The following DLG2 variants were observed in gnomAD, a reference collection of about 807,000 sequenced individuals.
DLG2 encodes the protein discs large MAGUK scaffold protein 2, also known as disks large homolog 2.
A neutral mutation model predicts 132.5 loss-of-function variants in DLG2; 45 were observed. The ratio of observed to expected loss-of-function variants is 0.34; its 90% CI spans 0.27 to 0.44. DLG2 has a LOEUF of 0.44. DLG2 is among the 20% of genes least tolerant of loss of function. DLG2 has a pLI of 1.00. For synonymous variants in DLG2, 424 were observed against 419.6 expected, an observed-to-expected ratio of 1.01 and a Z score of -0.13; for missense variants, 1,045 against 1,196.9, an observed-to-expected ratio of 0.87 and a Z score of 1.87.
chr11:85,141,674 T>C (rs1015168761), intron 5 of DLG2, among the ~76,000 whole-genome samples: 2 of 151,926 alleles, frequency 1.3e-5, no homozygotes, highest in African/African-American at 4.8e-5. Flanking sequence ...CTTTCAGTAG[T>C]TTCATAGTTT....
At chr11:84,539,047 T>C (rs1224712223) in intron 6 of DLG2, among the ~76,000 whole-genome samples, 5 of 152,150 alleles carry the variant, frequency 3.3e-5, no homozygotes, top group African/African-American at 7.2e-5. Context: ...ACATTAATGC[T>C]AATCCTAACA....
intron 7 of DLG2, among the ~76,000 whole-genome samples, chr11:84,267,400 G>C (rs945840440): frequency 2.0e-5 from 3 of 152,150 alleles, no homozygotes; most frequent in African/African-American, 7.2e-5. Context: ...ACCTTACTTT[G>C]AAGACCACTG....
At chr11:83,881,805 T>G (rs1359228418) in intron 15 of DLG2, among the ~76,000 whole-genome samples, 1 of 152,230 alleles carries the variant, frequency 6.6e-6, no homozygotes. Flanking sequence ...CTGTTTATTC[T>G]TATTGCATTT....
At chr11:83,927,666 C>A (rs2079231541) in intron 15 of DLG2, among the ~76,000 whole-genome samples, 1 of 152,030 alleles carries the variant, frequency 6.6e-6, no homozygotes, top group African/African-American at 2.4e-5. Flanking sequence ...CGCATTGCAT[C>A]CTAATGCAAA....
intron 8 of DLG2, among the ~76,000 whole-genome samples, chr11:84,249,853 G>C (rs2154349598): frequency 6.6e-6 from 1 of 152,276 alleles, no homozygotes; most frequent in South Asian, 2.1e-4. Flanking sequence ...CCCTAGTTCA[G>C]TAGTTCAGGT....
chr11:84,077,453 C>T (rs567412490), intron 10 of DLG2, among the ~76,000 whole-genome samples: 1 of 152,258 alleles, frequency 6.6e-6, no homozygotes, highest in Admixed American at 6.5e-5. Flanking sequence ...GCCTCTCCTG[C>T]TTTTCTTCTG....
At chr11:84,604,516 A>G (rs1232741428) in intron 6 of DLG2, among the ~76,000 whole-genome samples, 1 of 152,000 alleles carries the variant, frequency 6.6e-6, no homozygotes, top group Admixed American at 6.6e-5. Context: ...CATTCATTTC[A>G]TCTTCCTGAT....
intron 10 of DLG2, among the ~76,000 whole-genome samples, chr11:84,088,518 TG>T: frequency 6.6e-6 from 1 of 152,194 alleles, no homozygotes. Context: ...AGACTACTTG[TG>T]GGTGCCTGAT....
intron 7 of DLG2, among the ~76,000 whole-genome samples, chr11:84,360,106 C>A (rs1405706591): frequency 6.6e-6 from 1 of 151,712 alleles, no homozygotes; most frequent in Admixed American, 6.6e-5. Context: ...GAACAGGTAT[C>A]TTTTCAATGA....
At chr11:84,584,654 C>T (rs2099524776) in intron 6 of DLG2, among the ~76,000 whole-genome samples, 1 of 139,300 alleles carries the variant, frequency 7.2e-6, no homozygotes, top group Non-Finnish European at 1.5e-5. Flanking sequence ...GCCTGAGCTG[C>T]TGTACCTGGC....
intron 6 of DLG2, among the ~76,000 whole-genome samples, chr11:85,010,594 C>T (rs950317199): frequency 2.0e-5 from 3 of 152,056 alleles, no homozygotes; most frequent in African/African-American, 7.2e-5. Context: ...GTTTCTCTTC[C>T]ACCTGCATTG....
intron 7 of DLG2, among the ~76,000 whole-genome samples, chr11:84,323,309 T>C (rs1180485875): frequency 6.6e-6 from 1 of 152,200 alleles, no homozygotes; most frequent in Non-Finnish European, 1.5e-5. Context: ...TGTCCTTCTA[T>C]AGACTATTCC....
intron 7 of DLG2, among the ~76,000 whole-genome samples, chr11:84,374,470 G>T (rs2098721155): frequency 6.6e-6 from 1 of 152,136 alleles, no homozygotes; most frequent in South Asian, 2.1e-4. Flanking sequence ...AATATAATGA[G>T]ATTTTTTAAT....
chr11:84,700,205 ATATT>A (rs1398248043), intron 6 of DLG2, among the ~76,000 whole-genome samples: 1 of 151,614 alleles, frequency 6.6e-6, no homozygotes, highest in Non-Finnish European at 1.5e-5. Flanking sequence ...TAAAACAATA[ATATT>A]TATTTTATAA....
At chr11:85,161,556 C>A (rs891223276) in intron 4 of DLG2, among the ~76,000 whole-genome samples, 2 of 152,202 alleles carry the variant, frequency 1.3e-5, no homozygotes, top group East Asian at 3.9e-4. Flanking sequence ...GTTTGCCTAT[C>A]CTGCACGTAA....
At chr11:84,983,611 C>T (rs1471462866) in intron 6 of DLG2, among the ~76,000 whole-genome samples, 1 of 152,134 alleles carries the variant, frequency 6.6e-6, no homozygotes, top group Admixed American at 6.5e-5. Flanking sequence ...CAAAAAATCA[C>T]ACAAGCTAAC....
rs879827728 is a variant in DLG2 at position 83,745,801 on chromosome 11, T to TA, written c.1825+40888dup. Among the ~76,000 whole-genome samples, 690 of 143,932 alleles carry TA rather than the reference T, an allele frequency of 4.8e-3. 4 individuals carry two copies. The highest frequency in any genetic ancestry group is 0.017 in the Middle Eastern group (5 of 286). 94.4% of individuals were successfully genotyped at this position (143,932 alleles called of 152,430 possible). A position where few individuals can be genotyped will look rare whatever the true frequency, so the allele number is the denominator to read the frequency against. On this transcript the variant is annotated intron_variant, in intron 18 of 27. Transcript: ENST00000376104. Reference sequence around the variant, plus strand: ...TGGGTGTCAGAGTGAGACGCTGCCTTAAAAAAAAAAAAATTTTTGCAATCT... The same window carrying TA: ...TGGGTGTCAGAGTGAGACGCTGCCTTAAAAAAAAAAAAAATTTTTGCAATCT...
At chr11:84,436,929 A>G (rs2099002624) in intron 7 of DLG2, among the ~76,000 whole-genome samples, 1 of 152,206 alleles carries the variant, frequency 6.6e-6, no homozygotes, top group Non-Finnish European at 1.5e-5. Flanking sequence ...AGTCCCAGAT[A>G]TATGTTCCTA....
intron 3 of DLG2, chr11:85,335,944 T>C (rs2082097196): frequency 6.6e-6 from 1 of 151,642 alleles, no homozygotes; most frequent in South Asian, 2.1e-4. Flanking sequence ...TAAAGTATAA[T>C]AAAAAAAAAT....
Sources: allele counts gnomAD v4.1 joint callset (sites outside exome capture counted in the v4.1 genomes callset), GRCh38; gene constraint gnomAD v4.1.1; transcripts MANE v1.5; gene names NCBI Gene and HGNC (gene_info 2026-07-23, HGNC 2026-07-21).